The following SPOCK3 variants were observed in gnomAD, a reference collection of about 807,000 sequenced individuals.
The protein encoded by SPOCK3 is SPARC (osteonectin), cwcv and kazal like domains proteoglycan 3.
In SPOCK3, 30 loss-of-function variants were observed where a neutral mutation model predicts 56.6. The observed-to-expected ratio is 0.53, with a 90% CI of 0.40 to 0.72. SPOCK3 has a LOEUF of 0.72. Among genes scored for constraint, SPOCK3 ranks in the 30% least tolerant of loss-of-function variants. The pLI is 0.00. For missense variants in SPOCK3, 527 were observed against 530.0 expected (o/e 0.99, Z 0.06); for synonymous variants, 196 against 183.3 (o/e 1.07, Z -0.56).
At chr4:167,002,361 G>T (rs941169285) in intron 3 of SPOCK3, among the ~76,000 whole-genome samples, 2 of 151,758 alleles carry the variant, frequency 1.3e-5, no homozygotes, top group African/African-American at 4.9e-5. Flanking sequence ...TCTTGTTAGA[G>T]ATTTTACATA....
At position 167,139,010 on chromosome 4, in the gene SPOCK3, T is replaced by C. The variant is rs1406345150; in HGVS notation, c.190-76473A>G. Among the ~76,000 whole-genome samples the C allele has an allele frequency of 2.0e-5, 3 of 152,078 alleles. No individual in the cohort carries two copies. The East Asian group carries it at 5.8e-4, about 29-fold the overall frequency. On this transcript the variant is annotated intron_variant, in intron 2 of 10. Coordinates refer to ENST00000357545, the MANE Select transcript of SPOCK3 (RefSeq NM_001040159.2). ...AACACAGCAGTGTCAAAAACTTTGT[T>C]GGAAGATAAGGACCATGAAAAATTT... is the stretch of plus-strand genomic sequence containing the variant.
At chr4:166,890,436 T>C (rs1335035026) in intron 5 of SPOCK3, among the ~76,000 whole-genome samples, 1 of 151,900 alleles carries the variant, frequency 6.6e-6, no homozygotes. Context: ...GTAGCTATCA[T>C]GAACCAGGCT....
chr4:167,035,160 TAA>T (rs1262283869), intron 3 of SPOCK3, among the ~76,000 whole-genome samples: 2 of 151,796 alleles, frequency 1.3e-5, no homozygotes, highest in East Asian at 3.9e-4. Context: ...CAAACAAGGG[TAA>T]AGTTTGGGGA....
At chr4:167,055,663 C>A (rs1754740409) in intron 3 of SPOCK3, among the ~76,000 whole-genome samples, 1 of 152,196 alleles carries the variant, frequency 6.6e-6, no homozygotes, top group African/African-American at 2.4e-5. Context: ...CCGCACCTGG[C>A]TCAGAGGGTC....
At chr4:166,790,494 T>C (rs1212975120) in intron 7 of SPOCK3, among the ~76,000 whole-genome samples, 1 of 152,092 alleles carries the variant, frequency 6.6e-6, no homozygotes, top group African/African-American at 2.4e-5. Flanking sequence ...TTCTAGCTGG[T>C]CTCTGACTCC....
chr4:167,229,411 CCTGTAGAGCCATA>C (rs1736923125), intron 2 of SPOCK3, among the ~76,000 whole-genome samples: 1 of 152,090 alleles, frequency 6.6e-6, no homozygotes, highest in Admixed American at 6.6e-5. Flanking sequence ...ATTTTAATGG[CCTGTAGAGCCATA>C]GAATACTTTA....
In SPOCK3 at chr4:167,164,804, G is replaced by A. The variant is rs1318194305; in HGVS notation, c.189+69181C>T. The stretch of plus-strand genomic sequence containing the variant: ...TTATGGCTACACAGTATTCCATGGT[G>A]TATATGTGCCACATTTTCTGTATCC... On this transcript the variant is annotated intron_variant, in intron 2 of 10. Coordinates refer to ENST00000357545, the MANE Select transcript of SPOCK3 (RefSeq NM_001040159.2). Among the ~76,000 whole-genome samples the A allele has an allele frequency of 3.9e-5, 6 of 152,060 alleles. No individual in the cohort carries two copies. The East Asian group carries it at 1.2e-3, about 29-fold the overall frequency.
chr4:166,806,707 C>T (rs1743200954), intron 6 of SPOCK3, among the ~76,000 whole-genome samples: 1 of 152,018 alleles, frequency 6.6e-6, no homozygotes, highest in Non-Finnish European at 1.5e-5. Context: ...GTGTTTCATA[C>T]TATTAATGCA....
At chr4:167,013,304 A>G (rs1408912600) in intron 3 of SPOCK3, among the ~76,000 whole-genome samples, 7 of 151,906 alleles carry the variant, frequency 4.6e-5, no homozygotes, top group African/African-American at 1.7e-4. Flanking sequence ...AATTTATTCT[A>G]CTATTGTTCT....
chr4:166,968,217 T>G (rs958490867), intron 4 of SPOCK3, among the ~76,000 whole-genome samples: 1 of 152,178 alleles, frequency 6.6e-6, no homozygotes, highest in Non-Finnish European at 1.5e-5. Context: ...CATAAAAGTT[T>G]GGAAAATTTG....
At chr4:166,926,001 C>T (rs1376287523) in intron 4 of SPOCK3, among the ~76,000 whole-genome samples, 3 of 152,138 alleles carry the variant, frequency 2.0e-5, no homozygotes, top group Admixed American at 1.3e-4. Flanking sequence ...CTCTAAGTTA[C>T]ACACATTAAT....
intron 4 of SPOCK3, among the ~76,000 whole-genome samples, chr4:166,937,034 A>C (rs1561029102): frequency 6.6e-6 from 1 of 151,980 alleles, no homozygotes. Flanking sequence ...TTTATTTTTT[A>C]ATTGATTGAT....
intron 4 of SPOCK3, among the ~76,000 whole-genome samples, chr4:166,917,876 T>C (rs888127258): frequency 6.6e-6 from 1 of 152,136 alleles, no homozygotes; most frequent in Non-Finnish European, 1.5e-5. Context: ...TACATACCAA[T>C]ATTAATTTAA....
intron 2 of SPOCK3, among the ~76,000 whole-genome samples, chr4:167,162,159 A>G (rs1232509239): frequency 1.3e-5 from 2 of 152,186 alleles, no homozygotes; most frequent in Non-Finnish European, 1.5e-5. Context: ...CTCCCTGACT[A>G]ACCACCTCTT....
chr4:166,906,159 G>A (rs1001273498), intron 5 of SPOCK3, among the ~76,000 whole-genome samples: 1 of 152,030 alleles, frequency 6.6e-6, no homozygotes, highest in Non-Finnish European at 1.5e-5. Flanking sequence ...TCAAAAGTCA[G>A]CATTAAGGTA....
At chr4:167,060,213 C>T (rs903470477) in intron 3 of SPOCK3, among the ~76,000 whole-genome samples, 3 of 147,990 alleles carry the variant, frequency 2.0e-5, no homozygotes, top group African/African-American at 7.5e-5. Context: ...ACTATTCAGC[C>T]ATAAAAAGAA....
At chr4:166,889,523 A>G (rs1734545129) in intron 5 of SPOCK3, among the ~76,000 whole-genome samples, 1 of 152,024 alleles carries the variant, frequency 6.6e-6, no homozygotes, top group Non-Finnish European at 1.5e-5. Context: ...TGTCAGATCT[A>G]TTATATGACA....
chr4:167,217,294 G>A (rs922539946), intron 2 of SPOCK3, among the ~76,000 whole-genome samples: 5 of 151,872 alleles, frequency 3.3e-5, no homozygotes, highest in Admixed American at 2.6e-4. Context: ...ACCAACCACA[G>A]GCTGAAAATA....
rs1289091826 is a variant in SPOCK3, at chr4:167,059,703, C to G, written c.235+2789G>C. On this transcript the variant is annotated intron_variant, in intron 3 of 10. Transcript: ENST00000357545. Reference sequence around the variant, plus strand: ...TGCTGCTATAAAGACACATGCACACCTATGTTTATTGCGGCACTATTCACA... The same window carrying G: ...TGCTGCTATAAAGACACATGCACACGTATGTTTATTGCGGCACTATTCACA... Among the ~76,000 whole-genome samples the G allele has an allele frequency of 5.3e-5, 8 of 151,942 alleles. 1 individual carries two copies. The South Asian group carries it at 1.2e-3, about 24-fold the overall frequency.
Sources: allele counts gnomAD v4.1 joint callset (sites outside exome capture counted in the v4.1 genomes callset), GRCh38; gene constraint gnomAD v4.1.1; transcripts MANE v1.5; gene names NCBI Gene and HGNC (gene_info 2026-07-23, HGNC 2026-07-21).